BCAS3: variants seen among roughly 807,000 people sequenced by gnomAD.
BCAS3 encodes BCAS4/BCAS3 fusion.
In BCAS3, 53 loss-of-function variants were observed where a neutral mutation model predicts 116.1. The observed-to-expected ratio is 0.46, with a 90% CI of 0.37 to 0.57. The LOEUF is 0.57. Ranked by LOEUF, BCAS3 falls within the 20% of genes least tolerant of loss-of-function variation. The pLI is 0.00. For synonymous variants in BCAS3, 391 were observed against 408.2 expected (o/e 0.96, Z 0.51); for missense variants, 917 against 1,165.4 (o/e 0.79, Z 3.10).
chr17:60,822,087 C>T (rs984515099), intron 7 of BCAS3, among the ~76,000 whole-genome samples: 4 of 152,106 alleles, frequency 2.6e-5, no homozygotes, highest in Non-Finnish European at 5.9e-5. Context: ...TATTCAAGTC[C>T]GTATAGACAT....
At chr17:60,722,093 C>G (rs2039303441) in intron 5 of BCAS3, among the ~76,000 whole-genome samples, 1 of 151,990 alleles carries the variant, frequency 6.6e-6, no homozygotes, top group Non-Finnish European at 1.5e-5. Flanking sequence ...TTTGAAAAAT[C>G]CATTATATGA....
At chr17:60,945,992 C>T (rs1048260842) in intron 13 of BCAS3, among the ~76,000 whole-genome samples, 3 of 151,776 alleles carry the variant, frequency 2.0e-5, no homozygotes, top group Non-Finnish European at 2.9e-5. Flanking sequence ...TGGTGGCGGG[C>T]GCCTGTAGTC....
At chr17:61,329,344 T>TTTTTTTTTTTA (rs1555831754) in intron 22 of BCAS3, among the ~76,000 whole-genome samples, 7 of 55,894 alleles carry the variant, frequency 1.3e-4, no homozygotes, top group African/African-American at 2.5e-4. Flanking sequence ...ATTATTATTA[T>TTTTTTTTTTTA]TTTTTTTTTT....
intron 19 of BCAS3, among the ~76,000 whole-genome samples, chr17:61,066,799 T>A (rs1026459606): frequency 4.6e-5 from 7 of 152,120 alleles, no homozygotes; most frequent in African/African-American, 1.7e-4. Flanking sequence ...TAGGTTTAAA[T>A]TTTTCTAGGA....
rs557351169 is a variant in BCAS3, at chr17:61,122,023, C to T, written c.2425+37459C>T. On this transcript the variant is annotated intron_variant, in intron 22 of 23. Transcript: ENST00000407086. This position sits in a 1 kb window ranked among gnomAD's most constrained non-coding sequence, Gnocchi z 4.6. Reference sequence around the variant, plus strand: ...GATTACAGGCGTGAGCCACTGTGCCCGGCCAAAAACATATGATTTTTACAA... The same window carrying T: ...GATTACAGGCGTGAGCCACTGTGCCTGGCCAAAAACATATGATTTTTACAA... Among the ~76,000 whole-genome samples the T allele has an allele frequency of 1.1e-4, 17 of 152,200 alleles. No individual in the cohort carries two copies. Among genetic ancestry groups the T allele is most frequent in the Admixed American group, 9.8e-4 (15 of 15,292 alleles).
At chr17:60,920,710 AAC>A (rs1369279607) in intron 12 of BCAS3, among the ~76,000 whole-genome samples, 5 of 152,094 alleles carry the variant, frequency 3.3e-5, no homozygotes, top group Non-Finnish European at 7.4e-5. Flanking sequence ...CTCTACTAAA[AAC>A]ACAAAAAATT....
intron 22 of BCAS3, among the ~76,000 whole-genome samples, chr17:61,252,531 T>C (rs1184042887): frequency 6.6e-6 from 1 of 151,550 alleles, no homozygotes; most frequent in Non-Finnish European, 1.5e-5. Context: ...GAGGCAGGCA[T>C]TCCAGGGCCA....
chr17:61,049,119 G>A (rs986007043), intron 19 of BCAS3, among the ~76,000 whole-genome samples: 3 of 151,736 alleles, frequency 2.0e-5, no homozygotes, highest in African/African-American at 7.3e-5. Context: ...GAAATAGAGT[G>A]AGACCCTGAC....
In BCAS3 at chr17:61,215,475, T is replaced by G. The variant is rs1052996707; in HGVS notation, c.2425+130911T>G. Among the ~76,000 whole-genome samples, 3 of 152,192 alleles carry G rather than the reference T, an allele frequency of 2.0e-5. No individual in the cohort carries two copies. Among genetic ancestry groups the G allele is most frequent in the African/African-American group, 7.2e-5 (3 of 41,452 alleles). On this transcript the variant is annotated intron_variant, in intron 22 of 23. Coordinates refer to ENST00000407086, the MANE Select transcript of BCAS3 (RefSeq NM_017679.5). This position sits in a 1 kb window ranked among gnomAD's most constrained non-coding sequence, Gnocchi z 4.8. ...TGTAGTAATTCTATGATATATTACTTGAAGAACAGAGGCAACATTTAAATG... is the reference window on the plus strand; with the variant it reads ...TGTAGTAATTCTATGATATATTACTGGAAGAACAGAGGCAACATTTAAATG...
At chr17:60,863,632 TAGCCCC>T (rs1252086533) in intron 7 of BCAS3, among the ~76,000 whole-genome samples, 4 of 152,156 alleles carry the variant, frequency 2.6e-5, no homozygotes, top group African/African-American at 9.7e-5. Context: ...TGCGCACCTG[TAGCCCC>T]AGCTACTCAG....
chr17:61,015,604 A>G (rs943698286), intron 15 of BCAS3, 147 bp from the exon 16 acceptor site: 7 of 822,758 alleles, frequency 8.5e-6, no homozygotes, highest in Admixed American at 2.2e-5. Flanking sequence ...CTTCTCATCC[A>G]CATAATTGTA....
In BCAS3 at chr17:61,302,395, A is replaced by G. The variant is rs535002398; in HGVS notation, c.2426-65932A>G. ...ATCTAATAGAATCTTCAACATGCTA[A>G]CCACACTATTCCAATAATGAAATGC... On this transcript the variant is annotated intron_variant, in intron 22 of 23. Transcript: ENST00000407086. The surrounding 1 kb of genome is among the most constrained non-coding windows in gnomAD (Gnocchi z 4.4). Among the ~76,000 whole-genome samples, 1 of 152,314 alleles carries G rather than the reference A, an allele frequency of 6.6e-6. No individual in the cohort carries two copies. The highest frequency in any genetic ancestry group is 2.1e-4 in the South Asian group (1 of 4,832).
intron 22 of BCAS3, among the ~76,000 whole-genome samples, chr17:61,117,584 G>A (rs1350236232): frequency 6.6e-6 from 1 of 152,122 alleles, no homozygotes; most frequent in Non-Finnish European, 1.5e-5. Flanking sequence ...GACACAGCAA[G>A]CCCCTGTCTC....
chr17:61,377,139 G>A lies in BCAS3; in HGVS notation c.2593+8645G>A, dbSNP rs527376156. 4.3e-4 allele frequency among the ~76,000 whole-genome samples: 66 copies of A among 152,300 alleles called. No homozygotes were observed. Among genetic ancestry groups the A allele is most frequent in the African/African-American group, 1.6e-3 (66 of 41,550 alleles). ...GTCAGGAGTGCTCCCCTGCCCACAGGGCATGGTCTTTCTAGGATGCGGAGG... is the reference window on the plus strand; with the variant it reads ...GTCAGGAGTGCTCCCCTGCCCACAGAGCATGGTCTTTCTAGGATGCGGAGG... On this transcript the variant is annotated intron_variant, in intron 23 of 23. Transcript: ENST00000407086. This position sits in a 1 kb window ranked among gnomAD's most constrained non-coding sequence, Gnocchi z 4.6.
chr17:61,288,376 T>C (rs760652100), intron 22 of BCAS3, among the ~76,000 whole-genome samples: 3 of 152,312 alleles, frequency 2.0e-5, no homozygotes, highest in Non-Finnish European at 2.9e-5. Context: ...TGGGGCTCTG[T>C]ATGTTTCTTT....
chr17:60,774,162 C>T (rs947684966), intron 6 of BCAS3, among the ~76,000 whole-genome samples: 2 of 152,044 alleles, frequency 1.3e-5, no homozygotes, highest in Admixed American at 6.6e-5. Flanking sequence ...AAGTCTTTCC[C>T]TCCCCTCTTG....
Position 61,083,926 on chromosome 17 carries a change from A to G in BCAS3, c.2328-541A>G, listed in dbSNP as rs970224653. Among the ~76,000 whole-genome samples the G allele has an allele frequency of 8.5e-5, 13 of 152,194 alleles. No homozygotes were observed. The highest frequency in any genetic ancestry group is 3.1e-4 in the African/African-American group (13 of 41,456). ...ATTTTATAAAGGTAGCTCAGTTAGT[A>G]GTGACCCACCCCGGCCACAGTACAT... On this transcript the variant is annotated intron_variant, in intron 21 of 23. Transcript: ENST00000407086. This position sits in a 1 kb window ranked among gnomAD's most constrained non-coding sequence, Gnocchi z 4.9.
At chr17:60,748,820 T>C (rs991184730) in intron 6 of BCAS3, 3 of 152,232 alleles carry the variant, frequency 2.0e-5, no homozygotes, top group African/African-American at 7.2e-5. Flanking sequence ...ATAATGTATT[T>C]ATTTAAAAAC....
chr17:60,876,393 A>G (rs1211900956), intron 9 of BCAS3, among the ~76,000 whole-genome samples: 1 of 151,942 alleles, frequency 6.6e-6, no homozygotes, highest in Admixed American at 6.6e-5. Context: ...ATGATGTTTT[A>G]ATCCTATATA....
Sources: gnomAD v4.1 joint callset for allele counts (sites outside exome capture counted in the v4.1 genomes callset) on GRCh38, gnomAD v4.1.1 for gene constraint, Gnocchi (gnomAD v3.1) non-coding constraint, MANE v1.5 for transcripts, NCBI Gene and HGNC (gene_info 2026-07-23, HGNC 2026-07-21) for gene names.